Variants in KCNT1 observed in about 807,000 individuals in gnomAD.
KCNT1 encodes the protein potassium sodium-activated channel subfamily T member 1.
Under a neutral mutation model 147.8 loss-of-function variants are expected in KCNT1, and 78 were observed. The observed-to-expected ratio is 0.53, with a 90% CI of 0.44 to 0.64. The LOEUF is 0.64. Among genes scored for constraint, KCNT1 ranks in the 30% least tolerant of loss-of-function variants. The probability of loss-of-function intolerance (pLI) is 0.00; values close to 1 mark genes in which losing one functional copy is unlikely to be tolerated. For missense variants in KCNT1, 1,419 were observed against 1,750.3 expected (o/e 0.81, Z 3.38); for synonymous variants, 867 against 748.8 (o/e 1.16, Z -2.58).
rs560281656 is a variant in KCNT1 at position 135,745,817 on chromosome 9, C to G, written c.255-4281C>G. Among the ~76,000 whole-genome samples, 3 of 152,200 alleles carry G rather than the reference C, an allele frequency of 2.0e-5. No homozygotes were observed. In the South Asian group the frequency reaches 6.2e-4, roughly 31 times the overall value. On this transcript the variant is annotated intron_variant, in intron 2 of 30. Coordinates refer to ENST00000371757, the MANE Select transcript of KCNT1 (RefSeq NM_020822.3). ...CTCACAGGGCTCACTGGGTCTCAGC[C>G]CTGGGCCTCTGGCTGCCGGGCCGGG...
rs201645942 is a variant in KCNT1 at position 135,784,684 on chromosome 9, T to C, written c.3027+66T>C. The C allele has an allele frequency of 2.1e-3, 3,388 of 1,608,568 alleles. 7 individuals are homozygous for C. The highest frequency in any genetic ancestry group is 6.0e-3 in the South Asian group (546 of 90,902). Reference sequence around the variant, plus strand: ...CTGTCCAAGTGGGTGGATGGGCACCTGCCCCTGATTCACGGTGGCCAGGAG... The same window carrying C: ...CTGTCCAAGTGGGTGGATGGGCACCCGCCCCTGATTCACGGTGGCCAGGAG... On this transcript the variant is annotated intron_variant, in intron 26 of 30. Coordinates refer to ENST00000371757, the MANE Select transcript of KCNT1 (RefSeq NM_020822.3).
chr9:135,758,591 TGCCTATGTCCAA>T (rs1831679139), intron 10 of KCNT1, 83 bp downstream of exon 10: 1 of 1,106,670 alleles, frequency 9.0e-7, no homozygotes, highest in African/African-American at 1.5e-5. Context: ...GGGATACAGA[TGCCTATGTCCAA>T]GCTATCGGGG....
At position 135,786,205 on chromosome 9, in the gene KCNT1, C is replaced by A. The variant is rs1420111801; in HGVS notation, c.3186C>A (p.Ile1062=). 6.3e-7 allele frequency: 1 copy of A among 1,585,468 alleles called. No individual in the cohort carries two copies. The highest frequency in any genetic ancestry group is 2.2e-5 in the East Asian group (1 of 44,610). Residue 1062 remains isoleucine (I), a synonymous_variant, in exon 29 of 31, where the codon ATC becomes ATA. Transcript: ENST00000371757. The part of the protein sequence containing the change: ...EPHDLRAQSQ[I]SVNVEDCEDT... ...TGCCCTGCCCTGCCCAGTCCCAGAT[C>A]TCGGTGAACGTGGAGGACTGTGAGG...
chr9:135,792,467 C>G lies in KCNT1; in HGVS notation c.*306C>G, dbSNP rs1436469225. 1 of 292,178 alleles carries G rather than the reference C, an allele frequency of 3.4e-6. No homozygotes were observed. Among genetic ancestry groups the G allele is most frequent in the Non-Finnish European group, 6.6e-6 (1 of 151,360 alleles). 18.1% of individuals were successfully genotyped at this position (292,178 alleles called of 1,614,324 possible). Reference sequence around the variant, plus strand: ...GCTGGCTGGGAGGGCAACGCAGGGACTGGACGCCCTACAGGGCCGAGCCCA... The same window carrying G: ...GCTGGCTGGGAGGGCAACGCAGGGAGTGGACGCCCTACAGGGCCGAGCCCA... On this transcript the variant is annotated 3_prime_UTR_variant, in exon 31 of 31. Coordinates refer to ENST00000371757, the MANE Select transcript of KCNT1 (RefSeq NM_020822.3).
Position 135,750,791 on chromosome 9 carries a change from C to T in KCNT1, c.335-151C>T, listed in dbSNP as rs373526328. The T allele has an allele frequency of 6.4e-5, 44 of 683,800 alleles. No individual in the cohort carries two copies. The South Asian group carries it at 6.9e-4, about 11-fold the overall frequency. The allele number at this position is 683,800 out of a possible 1,614,324, so 42.4% of individuals were successfully genotyped here. On this transcript the variant is annotated intron_variant, in intron 3 of 30. Coordinates refer to ENST00000371757, the MANE Select transcript of KCNT1 (RefSeq NM_020822.3). ...CCCAAGAGCATCAGCCCCCAAACAA[C>T]GCAGGGCACACAGAGCTCTGCGTGC... is the stretch of plus-strand genomic sequence containing the variant.
In KCNT1 at chr9:135,765,494, C is replaced by G. The variant is rs868205945; in HGVS notation, c.1201-130C>G. The G allele has an allele frequency of 1.2e-4, 133 of 1,088,178 alleles. 2 individuals carry two copies. In the African/African-American group the frequency reaches 1.8e-3, roughly 15 times the overall value. The allele number at this position is 1,088,178 out of a possible 1,614,324, so 67.4% of individuals were successfully genotyped here. On this transcript the variant is annotated intron_variant, in intron 12 of 30. Coordinates refer to ENST00000371757, the MANE Select transcript of KCNT1 (RefSeq NM_020822.3). ...CCTGCGGGGGCCCCTCTTTTCCCTC[C>G]CACCAGATGCAAGATCACAGTGAGC...
At chr9:135,736,702 G>A (rs1174802265) in intron 2 of KCNT1, 2 of 353,256 alleles carry the variant, frequency 5.7e-6, no homozygotes, top group African/African-American at 2.1e-5. Flanking sequence ...CCCAGCCGGC[G>A]CCGCAGCCCC....
Position 135,723,516 on chromosome 9 carries a change from G to T in KCNT1, c.254+8796G>T, listed in dbSNP as rs143090091. On this transcript the variant is annotated intron_variant, in intron 2 of 30. Coordinates refer to ENST00000371757, the MANE Select transcript of KCNT1 (RefSeq NM_020822.3). ...AAGTTCTTGTGCACCACGTGAGCGT[G>T]TGGCTCCCGAAGGGGCATTTTGTGC... 4.3e-3 allele frequency among the ~76,000 whole-genome samples: 652 copies of T among 152,324 alleles called. 3 individuals are homozygous for T. Among genetic ancestry groups the T allele is most frequent in the African/African-American group, 0.013 (557 of 41,586 alleles).
rs1834701170 is a variant in KCNT1, at chr9:135,793,732, C to T, written c.*1571C>T. On this transcript the variant is annotated 3_prime_UTR_variant, in exon 31 of 31. Transcript: ENST00000371757. The stretch of plus-strand genomic sequence containing the variant: ...TCCCGGCCTGTCTGGAACCCTCCTG[C>T]TCAGAAGGTGCCCACTAGCCCTCTG... 6.6e-6 allele frequency: 1 copy of T among 152,402 alleles called. No individual in the cohort carries two copies. Among genetic ancestry groups the T allele is most frequent in the Non-Finnish European group, 1.5e-5 (1 of 68,152 alleles). 9.4% of individuals were successfully genotyped at this position (152,402 alleles called of 1,614,324 possible). A position where few individuals can be genotyped will look rare whatever the true frequency, so the allele number is the denominator to read the frequency against.
At chr9:135,709,723 C>T (rs1835411768) in intron 1 of KCNT1, among the ~76,000 whole-genome samples, 2 of 152,220 alleles carry the variant, frequency 1.3e-5, no homozygotes, top group African/African-American at 4.8e-5. Flanking sequence ...CTCTGTCACC[C>T]AGGCTGGAGT....
chr9:135,725,949 G>A (rs908678265), intron 2 of KCNT1, among the ~76,000 whole-genome samples: 3 of 152,160 alleles, frequency 2.0e-5, no homozygotes, highest in South Asian at 4.1e-4. Context: ...GTCTGGGGAG[G>A]AAGAGGGGTT....
intron 2 of KCNT1, among the ~76,000 whole-genome samples, chr9:135,725,938 G>C (rs1009152637): frequency 3.9e-5 from 6 of 152,194 alleles, no homozygotes; most frequent in African/African-American, 1.4e-4. Flanking sequence ...GGGCGATAGG[G>C]GTCTGGGGAG....
chr9:135,786,974 T>A (rs1338780523), intron 29 of KCNT1, among the ~76,000 whole-genome samples: 1 of 152,238 alleles, frequency 6.6e-6, no homozygotes, highest in African/African-American at 2.4e-5. Flanking sequence ...GCCAGCCAGC[T>A]GCAGCCAGGC....
rs748229745 is a variant in KCNT1 at position 135,772,767 on chromosome 9, C to T, written c.2061C>T (p.Gly687=). The change falls in exon 19 of 31, where the codon GGC becomes GGT. Residue 687 remains glycine (G), a synonymous_variant. Coordinates refer to ENST00000371757, the MANE Select transcript of KCNT1 (RefSeq NM_020822.3). ...CAGAGCACCGGCCTACGCAGAGCGGCGGTGGGGGCGGGGGCAGCAAGCTGG... is the reference window on the plus strand; with the variant it reads ...CAGAGCACCGGCCTACGCAGAGCGGTGGTGGGGGCGGGGGCAGCAAGCTGG... ...QGTEHRPTQS[G]GGGGGSKLAL... is the part of the protein sequence containing the mutation. 35 of 1,477,466 alleles carry T rather than the reference C, an allele frequency of 2.4e-5. No homozygotes were observed. The South Asian group carries it at 3.2e-4, about 13-fold the overall frequency. The allele number at this position is 1,477,466 out of a possible 1,614,324, so 91.5% of individuals were successfully genotyped here. A position where few individuals can be genotyped will look rare whatever the true frequency, so the allele number is the denominator to read the frequency against.
At position 135,775,422 on chromosome 9, in the gene KCNT1, C is replaced by T. The variant is rs190849453; in HGVS notation, c.2349+7C>T. On this transcript the variant is annotated splice_region_variant and intron_variant, in intron 20 of 30. Transcript: ENST00000371757. ...CTGCCTGCGGCTGGACAAGGTAAGG[C>T]TGGCGGCTCTGCCGCGCTCTGCACC... 798 of 1,604,588 alleles carry T rather than the reference C, an allele frequency of 5.0e-4. 16 individuals are homozygous for T. The South Asian group carries it at 8.5e-3, about 17-fold the overall frequency.
intron 13 of KCNT1, among the ~76,000 whole-genome samples, chr9:135,766,352 G>A (rs1195903207): frequency 6.6e-6 from 1 of 151,522 alleles, no homozygotes; most frequent in African/African-American, 2.4e-5. Context: ...AACCATCTGG[G>A]ATGGATCTCT....
intron 11 of KCNT1, among the ~76,000 whole-genome samples, chr9:135,760,294 C>G (rs1197960888): frequency 6.6e-6 from 1 of 152,212 alleles, no homozygotes; most frequent in East Asian, 1.9e-4. Context: ...GGCCCACTGC[C>G]CACTGAGCAG....
chr9:135,740,777 AG>A (rs1830527472), intron 2 of KCNT1, among the ~76,000 whole-genome samples: 1 of 152,216 alleles, frequency 6.6e-6, no homozygotes, highest in Non-Finnish European at 1.5e-5. Context: ...CAGCTAAGTT[AG>A]GGCTGGCAGA....
At chr9:135,718,342 G>T (rs1297232731) in intron 2 of KCNT1, among the ~76,000 whole-genome samples, 1 of 152,200 alleles carries the variant, frequency 6.6e-6, no homozygotes, top group South Asian at 2.1e-4. Context: ...GAGGCCATAG[G>T]GGGCCCAGGT....
Sources: allele counts gnomAD v4.1 joint callset (sites outside exome capture counted in the v4.1 genomes callset), GRCh38; gene constraint gnomAD v4.1.1; transcripts MANE v1.5; gene names NCBI Gene and HGNC (gene_info 2026-07-23, HGNC 2026-07-21).